Variants in NAPB observed in about 807,000 individuals in gnomAD.
NAPB encodes the protein beta-soluble NSF attachment protein.
In NAPB, 26 loss-of-function variants were observed where a neutral mutation model predicts 44.7. The observed-to-expected ratio is 0.58, with a 90% CI of 0.43 to 0.81. The LOEUF is 0.81. NAPB is among the 30% of genes least tolerant of loss of function. NAPB has a pLI of 0.00. For synonymous variants in NAPB, 120 were observed against 116.8 expected, an observed-to-expected ratio of 1.03 and a Z score of -0.18; for missense variants, 315 against 356.4, an observed-to-expected ratio of 0.88 and a Z score of 0.94.
At chr20:23,379,534 G>C (rs2224074) in intron 9 of NAPB, 39 bp from the exon 10 acceptor site, 446,955 of 1,475,536 alleles carry the variant, frequency 0.3, 69,382 homozygotes, top group Admixed American at 0.36. Flanking sequence ...AGTTCTGTAA[G>C]ATGAAGTCCC....
intron 1 of NAPB, among the ~76,000 whole-genome samples, chr20:23,403,603 CA>C (rs200464480): frequency 0.019 from 2,305 of 120,896 alleles, 93 homozygotes; most frequent in African/African-American, 0.063. Context: ...AACTATGTCT[CA>C]AAAAAAAAAA....
At chr20:23,414,796 G>C (rs892548429) in intron 1 of NAPB, among the ~76,000 whole-genome samples, 2 of 152,168 alleles carry the variant, frequency 1.3e-5, no homozygotes, top group Non-Finnish European at 2.9e-5. Context: ...AAGAGTATAT[G>C]AAGTCTGTAA....
chr20:23,406,546 G>T lies in NAPB; in HGVS notation c.99-3474C>A, dbSNP rs184052636. On this transcript the variant is annotated intron_variant, in intron 1 of 10. Transcript: ENST00000377026. ...ATGTTACACAGTGAAAGATAGAATG[G>T]CAACAAGCCATACCAAAAATGAAGT... Among the ~76,000 whole-genome samples, 256 of 152,010 alleles carry T rather than the reference G, an allele frequency of 1.7e-3. 4 individuals carry two copies. Among genetic ancestry groups the T allele is most frequent in the Non-Finnish European group, 3.2e-4 (22 of 67,962 alleles).
At chr20:23,380,163 A>G (rs1982878390) in intron 8 of NAPB, among the ~76,000 whole-genome samples, 1 of 152,268 alleles carries the variant, frequency 6.6e-6, no homozygotes, top group African/African-American at 2.4e-5. Context: ...GCTGCTGAGA[A>G]GACATTGTAA....
intron 1 of NAPB, among the ~76,000 whole-genome samples, chr20:23,409,781 C>T (rs1985524186): frequency 6.6e-6 from 1 of 152,088 alleles, no homozygotes; most frequent in Non-Finnish European, 1.5e-5. Flanking sequence ...GTGCCTACAG[C>T]AAAAGGAGGC....
At chr20:23,401,189 G>C (rs1247381746) in intron 2 of NAPB, among the ~76,000 whole-genome samples, 2 of 151,778 alleles carry the variant, frequency 1.3e-5, no homozygotes, top group Non-Finnish European at 2.9e-5. Flanking sequence ...ACAAGGAAGG[G>C]GATAGTCTTT....
chr20:23,377,531 T>C (rs1349895810), intron 10 of NAPB, 45 bp from the exon 11 acceptor site: 2 of 1,301,676 alleles, frequency 1.5e-6, no homozygotes, highest in Non-Finnish European at 2.2e-6. Flanking sequence ...TGTAAATACA[T>C]TAAAAACACA....
At chr20:23,401,408 T>C (rs554320487) in intron 2 of NAPB, among the ~76,000 whole-genome samples, 1 of 152,116 alleles carries the variant, frequency 6.6e-6, no homozygotes, top group South Asian at 2.1e-4. Context: ...CAGACATAAA[T>C]GGAAACAGAC....
chr20:23,399,481 T>A (rs1012941573), intron 2 of NAPB, among the ~76,000 whole-genome samples: 1 of 152,204 alleles, frequency 6.6e-6, no homozygotes, highest in African/African-American at 2.4e-5. Context: ...GGCACCTTGA[T>A]CTTAAACGAC....
chr20:23,394,858 G>GGA, intron 5 of NAPB, 64 bp downstream of exon 5: 1 of 1,483,780 alleles, frequency 6.7e-7, no homozygotes, highest in Non-Finnish European at 9.4e-7. Flanking sequence ...ACTGAGGAGA[G>GGA]GAGAGTTCTT....
chr20:23,387,928 T>C (rs1205772351), intron 7 of NAPB, among the ~76,000 whole-genome samples: 1 of 152,152 alleles, frequency 6.6e-6, no homozygotes, highest in Non-Finnish European at 1.5e-5. Flanking sequence ...TTTGCATCAG[T>C]AGGATGAATA....
intron 5 of NAPB, among the ~76,000 whole-genome samples, chr20:23,392,280 A>G (rs1160413822): frequency 6.6e-6 from 1 of 150,946 alleles, no homozygotes; most frequent in African/African-American, 2.5e-5. Flanking sequence ...CCAGAGAAAT[A>G]TTTTCTTCCA....
At chr20:23,407,472 T>C (rs1349629537) in intron 1 of NAPB, among the ~76,000 whole-genome samples, 1 of 152,140 alleles carries the variant, frequency 6.6e-6, no homozygotes, top group East Asian at 1.9e-4. Flanking sequence ...TACAGGAATC[T>C]GACTTGGAAG....
At chr20:23,408,935 T>C (rs1985449209) in intron 1 of NAPB, among the ~76,000 whole-genome samples, 1 of 152,218 alleles carries the variant, frequency 6.6e-6, no homozygotes. Flanking sequence ...AGGAGGGAGA[T>C]ACTCTCCAGA....
chr20:23,421,280 A>C, intron 1 of NAPB, 25 bp downstream of exon 1: 13 of 1,289,284 alleles, frequency 1.0e-5, no homozygotes, highest in African/African-American at 1.5e-5. Flanking sequence ...CCCCCCCCCC[A>C]GGGCACGCAC....
intron 3 of NAPB, 48 bp downstream of exon 3, chr20:23,397,024 T>C: frequency 1.3e-6 from 2 of 1,575,492 alleles, no homozygotes; most frequent in Non-Finnish European, 1.7e-6. Context: ...AAGTACTGAC[T>C]GGTTAGTTAC....
chr20:23,417,311 T>G (rs1204477280), intron 1 of NAPB, among the ~76,000 whole-genome samples: 1 of 152,198 alleles, frequency 6.6e-6, no homozygotes, highest in Admixed American at 6.5e-5. Flanking sequence ...CTCAAACTCC[T>G]GACCTCAAGT....
At chr20:23,408,212 G>T (rs1985388559) in intron 1 of NAPB, among the ~76,000 whole-genome samples, 1 of 152,168 alleles carries the variant, frequency 6.6e-6, no homozygotes, top group Non-Finnish European at 1.5e-5. Flanking sequence ...AAAGGGACTT[G>T]CCCAGTGTGG....
intron 3 of NAPB, 122 bp from the exon 4 acceptor site, chr20:23,395,307 G>T: frequency 1.0e-6 from 1 of 1,000,084 alleles, no homozygotes. Context: ...AGTGGAGGGT[G>T]GGCAGGTTAA....
Sources: gnomAD v4.1 joint callset for allele counts (sites outside exome capture counted in the v4.1 genomes callset) on GRCh38, gnomAD v4.1.1 for gene constraint, MANE v1.5 for transcripts, NCBI Gene and HGNC (gene_info 2026-07-23, HGNC 2026-07-21) for gene names.